Variants in PTPRN2 observed in about 807,000 individuals in gnomAD.
The protein encoded by PTPRN2 is protein tyrosine phosphatase receptor type N2, also known as receptor-type tyrosine-protein phosphatase N2.
PTPRN2 carries 74 observed loss-of-function variants against 118.8 expected under a neutral mutation model. That is an observed-to-expected ratio of 0.62 (90% CI 0.52 to 0.76). PTPRN2 has a LOEUF of 0.76. PTPRN2 is among the 30% of genes least tolerant of loss of function. The pLI is 0.00. For missense variants in PTPRN2, 1,481 were observed against 1,394.4 expected, an observed-to-expected ratio of 1.06 and a Z score of -0.99; for synonymous variants, 641 against 608.0, an observed-to-expected ratio of 1.05 and a Z score of -0.80.
At chr7:157,547,548 T>C (rs1798382501) in intron 22 of PTPRN2, among the ~76,000 whole-genome samples, 1 of 152,066 alleles carries the variant, frequency 6.6e-6, no homozygotes, top group South Asian at 2.1e-4. Flanking sequence ...ACAGCAGCTG[T>C]CCCGTGTCAC....
intron 3 of PTPRN2, among the ~76,000 whole-genome samples, chr7:158,273,880 G>GCAGACGCAGGAGGAGCCGCAGA (rs1798733803): frequency 3.6e-5 from 5 of 139,192 alleles, no homozygotes; most frequent in African/African-American, 1.1e-4. Context: ...ACGAGGAGCC[G>GCAGACGCAGGAGGAGCCGCAGA]CAGACGCAGG....
chr7:158,104,892 G>A (rs1409846558), intron 10 of PTPRN2, among the ~76,000 whole-genome samples: 3 of 140,468 alleles, frequency 2.1e-5, no homozygotes, highest in African/African-American at 5.4e-5. Flanking sequence ...CTCCATCCCA[G>A]CTCCACCCTC....
chr7:157,984,902 G>A (rs780779603), intron 11 of PTPRN2, among the ~76,000 whole-genome samples: 5 of 152,188 alleles, frequency 3.3e-5, no homozygotes, highest in Non-Finnish European at 5.9e-5. Context: ...TCGGCCTCAG[G>A]CCCAGGCTCT....
At chr7:158,376,028 C>T (rs1586506801) in intron 2 of PTPRN2, among the ~76,000 whole-genome samples, 1 of 152,294 alleles carries the variant, frequency 6.6e-6, no homozygotes, top group African/African-American at 2.4e-5. Flanking sequence ...CTGGTTAATA[C>T]TTAAGCCATC....
At chr7:158,030,588 G>A (rs1374981472) in intron 11 of PTPRN2, 2 of 152,330 alleles carry the variant, frequency 1.3e-5, no homozygotes, top group East Asian at 1.9e-4. Flanking sequence ...AGAGACAGAA[G>A]TGCCCAGTGG....
At chr7:158,086,269 A>G (rs768207217) in intron 10 of PTPRN2, among the ~76,000 whole-genome samples, 1 of 152,100 alleles carries the variant, frequency 6.6e-6, no homozygotes, top group Non-Finnish European at 1.5e-5. Context: ...TGAAGCCACA[A>G]TGATAGAAAC....
At chr7:158,112,008 C>T (rs948046342) in intron 9 of PTPRN2, among the ~76,000 whole-genome samples, 6 of 152,050 alleles carry the variant, frequency 3.9e-5, no homozygotes, top group Non-Finnish European at 8.8e-5. Context: ...AGAAACCACC[C>T]ACAAGCTGAA....
At chr7:158,414,291 G>A (rs567941584) in intron 2 of PTPRN2, among the ~76,000 whole-genome samples, 1 of 152,168 alleles carries the variant, frequency 6.6e-6, no homozygotes, top group South Asian at 2.1e-4. Flanking sequence ...TAAGACAAAG[G>A]GGCTGACAGG....
At chr7:158,204,141 G>A (rs1826918794) in intron 4 of PTPRN2, among the ~76,000 whole-genome samples, 1 of 151,784 alleles carries the variant, frequency 6.6e-6, no homozygotes, top group African/African-American at 2.4e-5. Flanking sequence ...CGCAGCCCCC[G>A]CCCTCAGTGT....
chr7:158,087,478 C>A (rs1165407315), intron 10 of PTPRN2, among the ~76,000 whole-genome samples: 1 of 152,208 alleles, frequency 6.6e-6, no homozygotes, highest in East Asian at 1.9e-4. Flanking sequence ...GAGAACCATC[C>A]ACCTTTTGAC....
At chr7:158,283,218 G>T (rs1170693232) in intron 3 of PTPRN2, among the ~76,000 whole-genome samples, 1 of 152,254 alleles carries the variant, frequency 6.6e-6, no homozygotes, top group African/African-American at 2.4e-5. Context: ...AACCAAGCAA[G>T]TACTTCAGTC....
In PTPRN2 at chr7:158,264,173, G is replaced by A. The variant is rs140231094; in HGVS notation, c.277+52646C>T. Among the ~76,000 whole-genome samples, 479 of 152,302 alleles carry A rather than the reference G, an allele frequency of 3.1e-3. 1 individual carries two copies. Among genetic ancestry groups the A allele is most frequent in the African/African-American group, 0.01 (436 of 41,550 alleles). ...GTCCCTAACGAACAGCCGCAGCAGCGCGTCAGGCAGAATGAGCCTCTGTTT... is the reference window on the plus strand; with the variant it reads ...GTCCCTAACGAACAGCCGCAGCAGCACGTCAGGCAGAATGAGCCTCTGTTT... On this transcript the variant is annotated intron_variant, in intron 3 of 22. Transcript: ENST00000389418.
In PTPRN2 at chr7:158,388,293, C is replaced by T. The variant is rs113475690; in HGVS notation, c.164-71361G>A. 2.5e-3 allele frequency among the ~76,000 whole-genome samples: 380 copies of T among 152,304 alleles called. 1 individual carries two copies. Among genetic ancestry groups the T allele is most frequent in the African/African-American group, 8.6e-3 (358 of 41,576 alleles). On this transcript the variant is annotated intron_variant, in intron 2 of 22. Coordinates refer to ENST00000389418, the MANE Select transcript of PTPRN2 (RefSeq NM_002847.5). ...CCCGGCACCAAGGTCCCAGAATTCA[C>T]AGCTTCTGGGCTCGGTCCCGCAAGA...
chr7:157,847,471 CGTGCCCG>C (rs1808927717), intron 12 of PTPRN2, among the ~76,000 whole-genome samples: 1 of 98,680 alleles, frequency 1.0e-5, no homozygotes, highest in African/African-American at 4.0e-5. Context: ...CTCCATCATG[CGTGCCCG>C]ATGTCTACAG....
intron 12 of PTPRN2, among the ~76,000 whole-genome samples, chr7:157,857,129 G>C (rs1056129423): frequency 7.3e-5 from 11 of 150,510 alleles, no homozygotes; most frequent in African/African-American, 2.4e-4. Context: ...GGGGATGCTG[G>C]AGGGGGAGGG....
In PTPRN2 at chr7:157,577,877, A is replaced by C. The variant is rs1585054693; in HGVS notation, c.2616+144T>G. On this transcript the variant is annotated intron_variant, in intron 18 of 22. Coordinates refer to ENST00000389418, the MANE Select transcript of PTPRN2 (RefSeq NM_002847.5). ...TGCATGCGGCCCTCGGGGGTGGCTCAGCCTCCATCCCCTGAACATGGGGTG... is the reference window on the plus strand; with the variant it reads ...TGCATGCGGCCCTCGGGGGTGGCTCCGCCTCCATCCCCTGAACATGGGGTG... 2.4e-5 allele frequency: 28 copies of C among 1,146,052 alleles called. No individual in the cohort carries two copies. The East Asian group carries it at 7.4e-4, about 30-fold the overall frequency. The allele number at this position is 1,146,052 out of a possible 1,614,324, so 71.0% of individuals were successfully genotyped here.
Position 158,141,926 on chromosome 7 carries a change from CG to C in PTPRN2, c.911-3412del, listed in dbSNP as rs1310047805. Among the ~76,000 whole-genome samples the C allele has an allele frequency of 2.6e-5, 4 of 152,226 alleles. No individual in the cohort carries two copies. In the East Asian group the frequency reaches 7.7e-4, roughly 29 times the overall value. ...GTGTGACGGACACGGGCGTTCTGAT[CG>C]GAGCGTGCTGGGCGTTCACTGCCAC... On this transcript the variant is annotated intron_variant, in intron 6 of 22. Coordinates refer to ENST00000389418, the MANE Select transcript of PTPRN2 (RefSeq NM_002847.5).
intron 12 of PTPRN2, among the ~76,000 whole-genome samples, chr7:157,793,718 C>T (rs1804672095): frequency 6.6e-6 from 1 of 152,212 alleles, no homozygotes; most frequent in South Asian, 2.1e-4. Flanking sequence ...CACCGTCCCC[C>T]AGGGCCACGT....
At chr7:158,473,012 G>A (rs1819985167) in intron 2 of PTPRN2, among the ~76,000 whole-genome samples, 1 of 38,880 alleles carries the variant, frequency 2.6e-5, no homozygotes, top group Admixed American at 3.5e-4. Flanking sequence ...TTTTACCCAC[G>A]CACCGAAAGA....
Sources: gnomAD v4.1 joint callset for allele counts (sites outside exome capture counted in the v4.1 genomes callset) on GRCh38, gnomAD v4.1.1 for gene constraint, MANE v1.5 for transcripts, NCBI Gene and HGNC (gene_info 2026-07-23, HGNC 2026-07-21) for gene names.